The following JAK1 variants were observed in gnomAD, a reference collection of about 807,000 sequenced individuals.
JAK1 encodes the protein tyrosine-protein kinase JAK1.
JAK1 carries 16 observed loss-of-function variants against 136.6 expected under a neutral mutation model. The ratio of observed to expected loss-of-function variants is 0.12; its 90% CI spans 0.08 to 0.18. The LOEUF is 0.18. JAK1 is among the 10% of genes least tolerant of loss of function. The probability of loss-of-function intolerance (pLI) is 1.00; values close to 1 mark genes in which losing one functional copy is unlikely to be tolerated. For missense variants in JAK1, 859 were observed against 1,450.1 expected (o/e 0.59, Z 6.62); for synonymous variants, 492 against 519.5 (o/e 0.95, Z 0.72).
rs1186800123 is a variant in JAK1 at position 64,833,641 on chromosome 1, T to TAAGTA, written c.*916_*920dup. On this transcript the variant is annotated 3_prime_UTR_variant, in exon 25 of 25. Transcript: ENST00000342505. ...GGGATCAACCCTTGTAGATCGGTGG[T>TAAGTA]AAGTATGGAAACCCTCTAAGAACAG... The TAAGTA allele has an allele frequency of 4.3e-6, 1 of 232,538 alleles. No individual in the cohort carries two copies. Among genetic ancestry groups the TAAGTA allele is most frequent in the East Asian group, 6.0e-5 (1 of 16,572 alleles). The allele number at this position is 232,538 out of a possible 1,614,324, so 14.4% of individuals were successfully genotyped here. A position where few individuals can be genotyped will look rare whatever the true frequency, so the allele number is the denominator to read the frequency against.
upstream of JAK1, among the ~76,000 whole-genome samples, chr1:64,966,691 G>A (rs1375081781): frequency 6.7e-6 from 1 of 150,246 alleles, no homozygotes; most frequent in Non-Finnish European, 1.5e-5. Context: ...TGCGCCTCCG[G>A]CCTACCCGCC....
intron 2 of JAK1, among the ~76,000 whole-genome samples, chr1:64,989,002 G>GTATATATATATATATATATATATA (rs57569640): frequency 2.3e-5 from 3 of 129,238 alleles, no homozygotes; most frequent in Non-Finnish European, 4.9e-5. Flanking sequence ...GTGTGTGTGT[G>GTATATATATATATATATATATATA]TATATATATA....
intron 2 of JAK1, among the ~76,000 whole-genome samples, chr1:65,016,435 A>G (rs1018940093): frequency 6.6e-6 from 1 of 152,180 alleles, no homozygotes; most frequent in Non-Finnish European, 1.5e-5. Flanking sequence ...CAGCTTGGGC[A>G]ACATAGTGAA....
At position 64,927,301 on chromosome 1, in the gene JAK1, T is replaced by C. The variant is rs575003561; in HGVS notation, c.-78+39032A>G. ...CTTATGACAGCCTAGAATTGTTATG[T>C]GTTGATCCATGTATTTGTTTTGTGT... is the stretch of plus-strand genomic sequence containing the variant. On this transcript the variant is annotated intron_variant, in intron 1 of 24. Transcript: ENST00000342505. Among the ~76,000 whole-genome samples, 155 of 152,350 alleles carry C rather than the reference T, an allele frequency of 1.0e-3. 1 individual carries two copies. The highest frequency in any genetic ancestry group is 3.5e-3 in the African/African-American group (146 of 41,582).
intron 1 of JAK1, among the ~76,000 whole-genome samples, chr1:64,939,097 G>A (rs1645841681): frequency 6.6e-6 from 1 of 152,132 alleles, no homozygotes; most frequent in Non-Finnish European, 1.5e-5. Flanking sequence ...CATAGGAACT[G>A]TTGGAGCAAC....
chr1:65,009,395 G>T (rs1646830893), intron 2 of JAK1, among the ~76,000 whole-genome samples: 1 of 152,148 alleles, frequency 6.6e-6, no homozygotes, highest in Non-Finnish European at 1.5e-5. Flanking sequence ...AGCAGGTGGG[G>T]GTGGAGGTAA....
At chr1:64,876,680 C>T (rs1246320253) in intron 4 of JAK1, among the ~76,000 whole-genome samples, 1 of 152,018 alleles carries the variant, frequency 6.6e-6, no homozygotes, top group Non-Finnish European at 1.5e-5. Flanking sequence ...GCTCATCAAA[C>T]CTGGTACACA....
intron 8 of JAK1, among the ~76,000 whole-genome samples, chr1:64,863,900 C>T (rs1183532484): frequency 6.6e-6 from 1 of 152,204 alleles, no homozygotes; most frequent in Non-Finnish European, 1.5e-5. Flanking sequence ...CTGCCTCTCA[C>T]ATTGTTTCTG....
rs555631939 is a variant in JAK1, at chr1:64,884,531, C to A, written c.7-1056G>T. On this transcript the variant is annotated intron_variant, in intron 2 of 24. Coordinates refer to ENST00000342505, the MANE Select transcript of JAK1 (RefSeq NM_002227.4). ...GAGCCCTGCTCCATCATCTGGCCGG[C>A]CAGCCTTCCTCACCTTATCTTCTAT... Among the ~76,000 whole-genome samples, 3 of 152,254 alleles carry A rather than the reference C, an allele frequency of 2.0e-5. No homozygotes were observed. In the South Asian group the frequency reaches 6.2e-4, roughly 32 times the overall value.
Position 64,847,652 on chromosome 1 carries a change from C to G in JAK1, c.1779G>C (p.Thr593=). Residue 593 remains threonine, a synonymous_variant, in exon 13 of 25, where the codon ACG becomes ACC. Coordinates refer to ENST00000342505, the MANE Select transcript of JAK1 (RefSeq NM_002227.4). ...GGGTCCCAGAATAGATGTGTGTTCT[C>G]GTGCCTCTCCCAAGGTGCTCGCCCT... ...LVQGEHLGRG[T]RTHIYSGTLM... 6.2e-7 allele frequency: 1 copy of G among 1,614,092 alleles called. No individual in the cohort carries two copies. The highest frequency in any genetic ancestry group is 8.5e-7 in the Non-Finnish European group (1 of 1,179,984).
At chr1:65,019,880 C>T (rs1431895472) in intron 2 of JAK1, among the ~76,000 whole-genome samples, 1 of 150,784 alleles carries the variant, frequency 6.6e-6, no homozygotes, top group Non-Finnish European at 1.5e-5. Flanking sequence ...CATGCCACTG[C>T]ACTCCAGCCT....
intron 6 of JAK1, among the ~76,000 whole-genome samples, chr1:64,867,965 G>C (rs1413887176): frequency 6.6e-6 from 1 of 151,946 alleles, no homozygotes; most frequent in East Asian, 1.9e-4. Flanking sequence ...ACTTCAGCCT[G>C]GGCAACAACA....
chr1:64,833,445 C>CTT lies in JAK1; in HGVS notation c.*1115_*1116dup, dbSNP rs1654256985. 4.3e-6 allele frequency: 1 copy of CTT among 232,942 alleles called. No individual in the cohort carries two copies. The highest frequency in any genetic ancestry group is 2.2e-5 in the African/African-American group (1 of 45,312). The allele number at this position is 232,942 out of a possible 1,614,324, so 14.4% of individuals were successfully genotyped here. The stretch of plus-strand genomic sequence containing the variant: ...AGCATAACAAAAAGATTTTCAGACT[C>CTT]TTGGTCATAAAGACCGTAATCGTTC... On this transcript the variant is annotated 3_prime_UTR_variant, in exon 25 of 25. Coordinates refer to ENST00000342505, the MANE Select transcript of JAK1 (RefSeq NM_002227.4).
At chr1:64,922,070 T>C (rs1645503022) in intron 1 of JAK1, among the ~76,000 whole-genome samples, 1 of 151,924 alleles carries the variant, frequency 6.6e-6, no homozygotes, top group African/African-American at 2.4e-5. Context: ...ACACAGGGCT[T>C]GCAGCAGTTC....
chr1:64,883,435 C>T lies in JAK1; in HGVS notation c.47G>A (p.Cys16Tyr). The T allele has an allele frequency of 6.2e-7, 1 of 1,614,162 alleles. No individual in the cohort carries two copies. The highest frequency in any genetic ancestry group is 8.5e-7 in the Non-Finnish European group (1 of 1,180,018). ...CTTCTTGGAGCTCCTCATTTTAGCA[C>T]AGAAAGCCATGGCATTGCAGTCCTC... is the stretch of plus-strand genomic sequence containing the variant. ...IKEDCNAMAF[C>Y]AKMRSSKKTE... is the part of the protein sequence containing the mutation. Residue 16 changes from cysteine (C) to tyrosine (Y), a missense_variant, in exon 3 of 25, where the codon TGT becomes TAT. Physicochemically the swap from Cys to Tyr is radical, Grantham distance 194. Transcript: ENST00000342505.
intron 2 of JAK1, chr1:64,989,372 A>AAAC (rs1557745846): frequency 6.9e-6 from 1 of 145,424 alleles, no homozygotes; most frequent in African/African-American, 2.6e-5. Context: ...AATAAATAAA[A>AAAC]TAAACTCAAA....
At position 64,984,779 on chromosome 1, in the gene JAK1, G is replaced by A. The variant is rs1646582182; in HGVS notation, c.-78+59701C>T. 1 of 1,015,994 alleles carries A rather than the reference G, an allele frequency of 9.8e-7. No individual in the cohort carries two copies. The highest frequency in any genetic ancestry group is 1.5e-6 in the Non-Finnish European group (1 of 670,326). 62.9% of individuals were successfully genotyped at this position (1,015,994 alleles called of 1,614,324 possible). A position where few individuals can be genotyped will look rare whatever the true frequency, so the allele number is the denominator to read the frequency against. On this transcript the variant is annotated intron_variant, in intron 2 of 25. Coordinates refer to the JAK1 transcript ENST00000671954. This position sits in a 1 kb window ranked among gnomAD's most constrained non-coding sequence, Gnocchi z 4.1. Reference sequence around the variant, plus strand: ...AGAAGGTAAAGATCAAGAAGGTAATGAGGAAGTCGGTGAAGATAATAAAAA... The same window carrying A: ...AGAAGGTAAAGATCAAGAAGGTAATAAGGAAGTCGGTGAAGATAATAAAAA...
intron 2 of JAK1, chr1:65,003,501 TAAC>T (rs939735876): frequency 6.6e-6 from 1 of 152,212 alleles, no homozygotes; most frequent in Non-Finnish European, 1.5e-5. Flanking sequence ...TAGTGTTTAT[TAAC>T]AATGATTGTG....
chr1:65,000,798 C>CAGAA, intron 2 of JAK1, among the ~76,000 whole-genome samples: 1 of 150,902 alleles, frequency 6.6e-6, no homozygotes, highest in Admixed American at 6.6e-5. Flanking sequence ...TGGAAAAAAT[C>CAGAA]TGATTTTTCT....
Sources: allele counts gnomAD v4.1 joint callset (sites outside exome capture counted in the v4.1 genomes callset), GRCh38; gene constraint gnomAD v4.1.1; non-coding constraint Gnocchi (gnomAD v3.1); transcripts MANE v1.5; gene names NCBI Gene and HGNC (gene_info 2026-07-23, HGNC 2026-07-21).